FARP2: variants seen among roughly 807,000 people sequenced by gnomAD.
FARP2 encodes FERM, ARH/RhoGEF and pleckstrin domain protein 2.
Under a neutral mutation model 130.5 loss-of-function variants are expected in FARP2, and 111 were observed. That is an observed-to-expected ratio of 0.85 (90% CI 0.73 to 1.00). The LOEUF (loss-of-function observed/expected upper bound fraction) is 1.00, where lower values mean the gene tolerates loss of function less well. FARP2 is among the 50% of genes least tolerant of loss of function. The pLI is 0.00. For synonymous variants in FARP2, 504 were observed against 516.9 expected (o/e 0.98, Z 0.34); for missense variants, 1,385 against 1,346.3 (o/e 1.03, Z -0.45).
rs777171524 is a variant in FARP2, at chr2:241,493,494, T to A, written c.3047+50T>A. 5 of 1,575,450 alleles carry A rather than the reference T, an allele frequency of 3.2e-6. No homozygotes were observed. In the East Asian group the frequency reaches 1.1e-4, roughly 35 times the overall value. ...GTCAGCTGCCCATTTCGATGTCCGC[T>A]CAGCTCCCATTTCTACTCATGGTGG... is the stretch of plus-strand genomic sequence containing the variant. On this transcript the variant is annotated intron_variant, in intron 26 of 26. Transcript: ENST00000264042.
At chr2:241,480,521 G>C (rs1340447870) in intron 19 of FARP2, among the ~76,000 whole-genome samples, 1 of 124,340 alleles carries the variant, frequency 8.0e-6, no homozygotes, top group Non-Finnish European at 1.7e-5. Flanking sequence ...CAATAGATAG[G>C]CTTGTGTTGT....
chr2:241,406,840 C>T (rs569925599), intron 4 of FARP2, among the ~76,000 whole-genome samples: 34 of 152,112 alleles, frequency 2.2e-4, no homozygotes, highest in African/African-American at 8.0e-4. Context: ...CGGAGTCTCG[C>T]TCTGTCGCCC....
chr2:241,465,574 A>G (rs1397421048), intron 17 of FARP2: 2 of 1,550,526 alleles, frequency 1.3e-6, no homozygotes, highest in African/African-American at 1.4e-5. Flanking sequence ...GAGCAACGGT[A>G]CAGGTGTTCA....
At chr2:241,463,608 G>C in intron 16 of FARP2, 140 bp downstream of exon 16, 2 of 938,056 alleles carry the variant, frequency 2.1e-6, no homozygotes, top group Non-Finnish European at 3.2e-6. Flanking sequence ...TGTGGGGAGA[G>C]GTACAGATGT....
rs901230714 is a variant in FARP2 at position 241,493,326 on chromosome 2, G to T, written c.2929G>T (p.Gly977Cys). ...DYPLASLPLL[G>C]YSVSIPREAD... ...CCCACTGGCCAGCCTCCCGCTGCTG[G>T]GCTACAGCGTGAGCATCCCCAGGGA... Residue 977 changes from glycine to cysteine, a missense_variant, in exon 26 of 27, where the codon GGC (glycine) becomes TGC (cysteine). Physicochemically the swap from Gly to Cys is radical, Grantham distance 159 (BLOSUM62 -3). Transcript: ENST00000264042. 7 of 1,613,808 alleles carry T rather than the reference G, an allele frequency of 4.3e-6. No homozygotes were observed. The highest frequency in any genetic ancestry group is 5.9e-6 in the Non-Finnish European group (7 of 1,179,996).
At chr2:241,481,766 A>G (rs1436777541) in intron 19 of FARP2, among the ~76,000 whole-genome samples, 1 of 152,182 alleles carries the variant, frequency 6.6e-6, no homozygotes, top group Non-Finnish European at 1.5e-5. Context: ...CAATGAAAAG[A>G]CAGTTGAGAG....
intron 8 of FARP2, among the ~76,000 whole-genome samples, chr2:241,423,136 A>G (rs1559755324): frequency 6.6e-6 from 1 of 152,232 alleles, no homozygotes; most frequent in Non-Finnish European, 1.5e-5. Flanking sequence ...CTCCACAAGA[A>G]GATCTGCCCC....
At chr2:241,428,623 G>C (rs2063016890) in intron 8 of FARP2, among the ~76,000 whole-genome samples, 1 of 151,300 alleles carries the variant, frequency 6.6e-6, no homozygotes, top group African/African-American at 2.4e-5. Flanking sequence ...ATCTAACTCA[G>C]GATTTTTTTT....
intron 1 of FARP2, among the ~76,000 whole-genome samples, chr2:241,368,804 A>G (rs2061367453): frequency 6.6e-6 from 1 of 152,164 alleles, no homozygotes; most frequent in African/African-American, 2.4e-5. Flanking sequence ...TCATAAGCTT[A>G]GTAATAAACT....
At chr2:241,409,410 C>T (rs1006002591) in intron 5 of FARP2, among the ~76,000 whole-genome samples, 14 of 152,034 alleles carry the variant, frequency 9.2e-5, no homozygotes, top group Admixed American at 8.5e-4. Context: ...ATTAGCCAGG[C>T]ATGGTGGCAT....
intron 2 of FARP2, among the ~76,000 whole-genome samples, chr2:241,388,173 C>G (rs2061832720): frequency 6.6e-6 from 1 of 152,148 alleles, no homozygotes; most frequent in Non-Finnish European, 1.5e-5. Context: ...TTTTCCATAG[C>G]AAAACTTATT....
intron 18 of FARP2, among the ~76,000 whole-genome samples, chr2:241,473,955 C>A (rs1287049737): frequency 6.6e-6 from 1 of 152,042 alleles, no homozygotes; most frequent in East Asian, 1.9e-4. Flanking sequence ...CTACTTCATT[C>A]TTTTCTGACT....
chr2:241,428,005 A>G (rs530479165), intron 8 of FARP2, among the ~76,000 whole-genome samples: 336 of 151,834 alleles, frequency 2.2e-3, no homozygotes, highest in Admixed American at 5.8e-3. Flanking sequence ...TGACCTCGTG[A>G]TCCGCCCGCC....
intron 14 of FARP2, among the ~76,000 whole-genome samples, chr2:241,458,901 G>C (rs1317080961): frequency 6.6e-6 from 1 of 152,228 alleles, no homozygotes. Flanking sequence ...TGGGATGGGG[G>C]CACCTCAGGG....
intron 3 of FARP2, 89 bp from the exon 4 acceptor site, chr2:241,404,710 T>C: frequency 1.0e-6 from 1 of 996,560 alleles, no homozygotes; most frequent in South Asian, 1.5e-5. Flanking sequence ...AAAATTTATC[T>C]TATTATAACC....
Position 241,475,795 on chromosome 2 carries a change from G to A in FARP2, c.2132-62G>A, listed in dbSNP as rs372976173. ...ATGCTGGTTCCTGTCACAAGGTGGT[G>A]GGTGGAGGGTGCTGTGCACACCACT... On this transcript the variant is annotated intron_variant, in intron 18 of 26. Transcript: ENST00000264042. This position sits in a 1 kb window ranked among gnomAD's most constrained non-coding sequence, Gnocchi z 4.4. The A allele has an allele frequency of 4.9e-6, 7 of 1,423,150 alleles. No individual in the cohort carries two copies. The East Asian group carries it at 7.9e-5, about 16-fold the overall frequency. The allele number at this position is 1,423,150 out of a possible 1,614,324, so 88.2% of individuals were successfully genotyped here.
At chr2:241,444,381 C>G (rs2063463771) in intron 13 of FARP2, 1 of 152,184 alleles carries the variant, frequency 6.6e-6, no homozygotes, top group African/African-American at 2.4e-5. Flanking sequence ...TTTCCTAAAC[C>G]TTAGTATTCA....
At position 241,490,031 on chromosome 2, in the gene FARP2, G is replaced by A. The variant is rs773098796; in HGVS notation, c.2491G>A (p.Val831Met). Reference protein sequence around the residue: ...FTIYAAQKTIVVAASTRLEKE... With the variant: ...FTIYAAQKTIMVAASTRLEKE... The stretch of plus-strand genomic sequence containing the variant: ...CATCTACGCGGCTCAGAAAACAATC[G>A]TGGTGGCAGCCAGGTAAGGGTCTTC... The change falls in exon 22 of 27, where the codon GTG becomes ATG. Residue 831 changes from valine (V) to methionine (M), a missense_variant. Physicochemically the swap from Val to Met is conservative, Grantham distance 21. Coordinates refer to ENST00000264042, the MANE Select transcript of FARP2 (RefSeq NM_014808.4). 2.7e-5 allele frequency: 44 copies of A among 1,613,450 alleles called. No individual in the cohort carries two copies. Among genetic ancestry groups the A allele is most frequent in the East Asian group, 4.5e-5 (2 of 44,880 alleles).
chr2:241,462,719 T>G, intron 15 of FARP2, 107 bp downstream of exon 15: 1 of 728,890 alleles, frequency 1.4e-6, no homozygotes, highest in South Asian at 1.7e-5. Context: ...AGATGGAGCC[T>G]CACTCTGTCA....
Sources: allele counts gnomAD v4.1 joint callset (sites outside exome capture counted in the v4.1 genomes callset), GRCh38; gene constraint gnomAD v4.1.1; non-coding constraint Gnocchi (gnomAD v3.1); transcripts MANE v1.5; gene names NCBI Gene and HGNC (gene_info 2026-07-23, HGNC 2026-07-21).